The following C2orf42 variants were observed in gnomAD, a reference collection of about 807,000 sequenced individuals.
C2orf42 encodes the protein chromosome 2 open reading frame 42.
A neutral mutation model predicts 58.9 loss-of-function variants in C2orf42; 44 were observed. The observed-to-expected ratio is 0.75, with a 90% CI of 0.59 to 0.96. The LOEUF (loss-of-function observed/expected upper bound fraction) is 0.96, where lower values mean the gene tolerates loss of function less well. Among genes scored for constraint, C2orf42 ranks in the 40% least tolerant of loss-of-function variants. The pLI is 0.00. For missense variants in C2orf42, 630 were observed against 699.2 expected (o/e 0.90, Z 1.12); for synonymous variants, 239 against 265.4 (o/e 0.90, Z 0.97).
intron 9 of C2orf42, 98 bp from the exon 10 acceptor site, chr2:70,150,662 C>G (rs2104808108): frequency 1.3e-6 from 1 of 782,108 alleles, no homozygotes; most frequent in East Asian, 2.6e-5. Context: ...GCCTGTTCAG[C>G]TTTGATAATC....
At chr2:70,177,004 G>A (rs1262758988) in intron 4 of C2orf42, among the ~76,000 whole-genome samples, 2 of 152,034 alleles carry the variant, frequency 1.3e-5, no homozygotes, top group Non-Finnish European at 2.9e-5. Context: ...GGGCATGGTG[G>A]CTCACACCTG....
At chr2:70,174,734 G>A (rs1485305238) in intron 5 of C2orf42, among the ~76,000 whole-genome samples, 3 of 148,660 alleles carry the variant, frequency 2.0e-5, no homozygotes, top group Non-Finnish European at 4.5e-5. Context: ...AAAATGGTGC[G>A]ATCTTGGCTC....
At position 70,165,603 on chromosome 2, in the gene C2orf42, G is replaced by A; in HGVS notation, c.1177C>T (p.Gln393Ter). The change falls in exon 7 of 10, where the codon CAG becomes TAG. Residue 393 changes from glutamine (Q) to a stop codon, truncating the protein, a stop_gained. Coordinates refer to ENST00000264434, the MANE Select transcript of C2orf42 (RefSeq NM_017880.3). LOFTEE classifies it high-confidence loss of function. ...TGTTGCAGGGCATCAAAAAATGACT[G>A]AGGAATGTGGAACACCAATGGTTCT... ...KPEPLVFHIP[Q>*]SFFDALQQRI... is the part of the protein sequence containing the mutation. The A allele has an allele frequency of 6.2e-7, 1 of 1,611,492 alleles. No individual in the cohort carries two copies. Among genetic ancestry groups the A allele is most frequent in the Non-Finnish European group, 8.5e-7 (1 of 1,177,674 alleles).
chr2:70,190,041 CAG>C lies in C2orf42; in HGVS notation c.-282+930_-282+931del, dbSNP rs1238195311. 12 of 152,112 alleles carry C rather than the reference CAG, an allele frequency of 7.9e-5. No individual in the cohort carries two copies. The South Asian group carries it at 1.5e-3, about 18-fold the overall frequency. The allele number at this position is 152,112 out of a possible 1,614,324, so 9.4% of individuals were successfully genotyped here. The stretch of plus-strand genomic sequence containing the variant: ...AAGAAACGACATGGGATTTGGGAAA[CAG>C]AAGTTAGGAGGGAGACTTACATCTC... On this transcript the variant is annotated intron_variant, in intron 1 of 9. Coordinates refer to ENST00000264434, the MANE Select transcript of C2orf42 (RefSeq NM_017880.3).
chr2:70,156,237 A>C (rs962393744), intron 9 of C2orf42, among the ~76,000 whole-genome samples: 1 of 152,222 alleles, frequency 6.6e-6, no homozygotes, highest in African/African-American at 2.4e-5. Context: ...AAAATAAGAC[A>C]AAAGACCAAC....
chr2:70,153,833 G>A (rs1221621128), intron 9 of C2orf42, among the ~76,000 whole-genome samples: 1 of 151,342 alleles, frequency 6.6e-6, no homozygotes, highest in African/African-American at 2.4e-5. Context: ...GCCGAGGCGG[G>A]TGGATCACGA....
intron 9 of C2orf42, among the ~76,000 whole-genome samples, chr2:70,151,374 A>T (rs1037172092): frequency 1.3e-5 from 2 of 152,028 alleles, no homozygotes; most frequent in African/African-American, 4.8e-5. Context: ...AGTGGCTTAC[A>T]CCTGTAATTC....
Position 70,160,396 on chromosome 2 carries a change from G to A in C2orf42, c.1516+229C>T, listed in dbSNP as rs573701500. On this transcript the variant is annotated intron_variant, in intron 9 of 9. Coordinates refer to ENST00000264434, the MANE Select transcript of C2orf42 (RefSeq NM_017880.3). ...AACGTCAAGCAATCCACCTGTCTTG[G>A]CCTCCCAAAGTGCTGGGATTATAGG... 4.6e-5 allele frequency among the ~76,000 whole-genome samples: 7 copies of A among 152,214 alleles called. No individual in the cohort carries two copies. In the South Asian group the frequency reaches 8.3e-4, roughly 18 times the overall value.
chr2:70,184,364 A>G lies in C2orf42; in HGVS notation c.-281-1429T>C, dbSNP rs565286316. ...GCTAATTTTTGTATTTTTAGTAGAG[A>G]TGTGGTTTCACCATGTTGGCCAGGC... On this transcript the variant is annotated intron_variant, in intron 1 of 9. Coordinates refer to ENST00000264434, the MANE Select transcript of C2orf42 (RefSeq NM_017880.3). 6.6e-5 allele frequency among the ~76,000 whole-genome samples: 10 copies of G among 151,434 alleles called. No homozygotes were observed. In the South Asian group the frequency reaches 1.9e-3, roughly 29 times the overall value.
In C2orf42 at chr2:70,150,318, G is replaced by A. The variant is rs1459114819; in HGVS notation, c.*38C>T. 2 of 1,570,138 alleles carry A rather than the reference G, an allele frequency of 1.3e-6. No individual in the cohort carries two copies. Among genetic ancestry groups the A allele is most frequent in the South Asian group, 1.1e-5 (1 of 90,292 alleles). ...TAAAGTTGTCAAGGGGTGGGGATGT[G>A]CAAATTAAGCAGCAAAAGATTATTA... On this transcript the variant is annotated 3_prime_UTR_variant, in exon 10 of 10. Transcript: ENST00000264434.
At chr2:70,158,750 G>A (rs982578537) in intron 9 of C2orf42, among the ~76,000 whole-genome samples, 3 of 151,000 alleles carry the variant, frequency 2.0e-5, no homozygotes, top group East Asian at 2.0e-4. Context: ...GCCCGGCCAC[G>A]CCTGGCTAAT....
At chr2:70,160,563 A>G (rs943404887) in intron 9 of C2orf42, 62 bp downstream of exon 9, 1 of 1,092,578 alleles carries the variant, frequency 9.2e-7, no homozygotes, top group Non-Finnish European at 1.3e-6. Flanking sequence ...AGCTTTGGAC[A>G]GTGTACTGTA....
chr2:70,174,670 CCT>C (rs955350624), intron 5 of C2orf42, among the ~76,000 whole-genome samples: 66 of 151,990 alleles, frequency 4.3e-4, no homozygotes, highest in African/African-American at 1.4e-3. Context: ...CTCCCAACCC[CCT>C]CTTTCTTTTT....
chr2:70,165,491 G>A (rs531927154), intron 7 of C2orf42, 37 bp downstream of exon 7: 2 of 1,115,660 alleles, frequency 1.8e-6, no homozygotes, highest in Admixed American at 1.8e-5. Flanking sequence ...CTCTATGTTC[G>A]AGACATCCAT....
intron 1 of C2orf42, among the ~76,000 whole-genome samples, chr2:70,183,768 A>G (rs1046169506): frequency 2.7e-5 from 4 of 150,688 alleles, no homozygotes; most frequent in Non-Finnish European, 4.4e-5. Context: ...GCTATGTTAT[A>G]TAATTGGTCA....
At chr2:70,164,990 C>T (rs1308844877) in intron 8 of C2orf42, 102 bp downstream of exon 8, 2 of 538,028 alleles carry the variant, frequency 3.7e-6, no homozygotes, top group African/African-American at 3.9e-5. Context: ...AAAAGAAACT[C>T]TGGTGTCTGT....
At chr2:70,156,778 C>T (rs1672703709) in intron 9 of C2orf42, among the ~76,000 whole-genome samples, 1 of 151,362 alleles carries the variant, frequency 6.6e-6, no homozygotes, top group South Asian at 2.1e-4. Context: ...GGGAGGATCG[C>T]TTGAGCCCAG....
intron 1 of C2orf42, among the ~76,000 whole-genome samples, chr2:70,188,662 T>A (rs1675117262): frequency 6.6e-6 from 1 of 152,184 alleles, no homozygotes. Flanking sequence ...CACATTATTA[T>A]TAACTGAACT....
At chr2:70,183,407 C>T (rs957823885) in intron 1 of C2orf42, among the ~76,000 whole-genome samples, 3 of 151,390 alleles carry the variant, frequency 2.0e-5, no homozygotes, top group South Asian at 2.1e-4. Flanking sequence ...CCAGCCTTGG[C>T]GACAGAGCAG....
Sources: allele counts gnomAD v4.1 joint callset (sites outside exome capture counted in the v4.1 genomes callset), GRCh38; gene constraint gnomAD v4.1.1; transcripts MANE v1.5; gene names NCBI Gene and HGNC (gene_info 2026-07-23, HGNC 2026-07-21).